Variants in XKR6 observed in about 807,000 individuals in gnomAD.
XKR6 encodes XK related 6.
Under a neutral mutation model 56.7 loss-of-function variants are expected in XKR6, and 22 were observed. That is an observed-to-expected ratio of 0.39 (90% CI 0.28 to 0.55). The LOEUF is 0.55. Among genes scored for constraint, XKR6 ranks in the 20% least tolerant of loss-of-function variants. The pLI is 0.66. For synonymous variants in XKR6, 524 were observed against 387.8 expected (o/e 1.35, Z -4.13); for missense variants, 852 against 889.0 (o/e 0.96, Z 0.53).
rs550882584 is a variant in XKR6 at position 11,110,128 on chromosome 8, A to G, written c.764+90448T>C. On this transcript the variant is annotated intron_variant, in intron 1 of 2. Transcript: ENST00000416569. The stretch of plus-strand genomic sequence containing the variant: ...GCTGGGATTACAGGTGCCCGCCACC[A>G]CATCCGGCTCATTTTTGTATTTTTA... Among the ~76,000 whole-genome samples the G allele has an allele frequency of 1.9e-4, 29 of 152,174 alleles. No individual in the cohort carries two copies. In the South Asian group the frequency reaches 4.8e-3, roughly 25 times the overall value.
At chr8:11,084,741 T>A (rs1157888650) in intron 1 of XKR6, among the ~76,000 whole-genome samples, 1 of 152,212 alleles carries the variant, frequency 6.6e-6, no homozygotes, top group Non-Finnish European at 1.5e-5. Context: ...AGTAACATTT[T>A]AGCTATTTCC....
Position 11,191,785 on chromosome 8 carries a change from G to A in XKR6, c.764+8791C>T, listed in dbSNP as rs149560321. On this transcript the variant is annotated intron_variant, in intron 1 of 2. Transcript: ENST00000416569. The stretch of plus-strand genomic sequence containing the variant: ...ATTTTTATCAAGTCCCTGATTGGAG[G>A]GGAGAAAAAACCCACAAGCAAATTT... Among the ~76,000 whole-genome samples the A allele has an allele frequency of 7.2e-4, 110 of 152,050 alleles. 1 individual carries two copies. The Middle Eastern group carries it at 0.01, about 14-fold the overall frequency.
chr8:10,975,551 C>T (rs1802529733), intron 1 of XKR6, among the ~76,000 whole-genome samples: 1 of 152,222 alleles, frequency 6.6e-6, no homozygotes, highest in Admixed American at 6.5e-5. Context: ...GAAAATTACA[C>T]CTCTGCTGGG....
intron 1 of XKR6, among the ~76,000 whole-genome samples, chr8:11,076,772 C>G (rs1390560780): frequency 6.6e-6 from 1 of 152,238 alleles, no homozygotes; most frequent in Non-Finnish European, 1.5e-5. Flanking sequence ...GCCTGGCCAA[C>G]TCTGGGCCCG....
chr8:11,026,164 C>G (rs997988472), intron 1 of XKR6, among the ~76,000 whole-genome samples: 2 of 152,080 alleles, frequency 1.3e-5, no homozygotes, highest in Non-Finnish European at 2.9e-5. Context: ...CTACGACACA[C>G]CTAGATGGTC....
chr8:11,000,027 T>G (rs1036510462), intron 1 of XKR6, among the ~76,000 whole-genome samples: 5 of 152,186 alleles, frequency 3.3e-5, no homozygotes, highest in Non-Finnish European at 4.4e-5. Context: ...TGAAGACAAC[T>G]TCAAAACTCC....
chr8:11,127,769 A>G (rs1004063549), intron 1 of XKR6, among the ~76,000 whole-genome samples: 2 of 152,180 alleles, frequency 1.3e-5, no homozygotes, highest in African/African-American at 4.8e-5. Context: ...GTGCGGTTAC[A>G]TATTTATAGG....
At chr8:10,979,893 G>A (rs1412068864) in intron 1 of XKR6, among the ~76,000 whole-genome samples, 1 of 152,306 alleles carries the variant, frequency 6.6e-6, no homozygotes, top group African/African-American at 2.4e-5. Context: ...CTTGGTGTTT[G>A]GGGGACTTAT....
intron 1 of XKR6, among the ~76,000 whole-genome samples, chr8:11,109,951 C>G: frequency 6.6e-6 from 1 of 152,130 alleles, no homozygotes; most frequent in South Asian, 2.1e-4. Flanking sequence ...TTTTAAAAAC[C>G]TACTTAATGT....
At chr8:11,096,486 A>G (rs185434853) in intron 1 of XKR6, among the ~76,000 whole-genome samples, 50 of 152,380 alleles carry the variant, frequency 3.3e-4, no homozygotes, top group African/African-American at 1.2e-3. Flanking sequence ...TTAACAAAAC[A>G]CCATTAGAAT....
chr8:10,922,261 A>G, intron 2 of XKR6, among the ~76,000 whole-genome samples: 1 of 152,264 alleles, frequency 6.6e-6, no homozygotes, highest in East Asian at 1.9e-4. Context: ...AAGGACTCAG[A>G]TGGGAGAGAA....
intron 1 of XKR6, among the ~76,000 whole-genome samples, chr8:11,058,901 G>A (rs528333618): frequency 7.2e-5 from 11 of 152,148 alleles, no homozygotes; most frequent in Non-Finnish European, 1.3e-4. Context: ...TTTAGAAAAC[G>A]CGAAGGTGTA....
intron 1 of XKR6, among the ~76,000 whole-genome samples, chr8:11,077,945 G>T (rs1220174804): frequency 1.3e-5 from 2 of 152,126 alleles, no homozygotes; most frequent in Non-Finnish European, 2.9e-5. Context: ...TGGCCGCCGG[G>T]CTGGCCCTGC....
chr8:10,966,171 C>T (rs2129132284), intron 1 of XKR6, among the ~76,000 whole-genome samples: 1 of 152,282 alleles, frequency 6.6e-6, no homozygotes, highest in South Asian at 2.1e-4. Flanking sequence ...GGGAGGATTG[C>T]TGAAACACTG....
intron 1 of XKR6, among the ~76,000 whole-genome samples, chr8:11,156,240 T>C (rs779061149): frequency 6.6e-6 from 1 of 152,196 alleles, no homozygotes; most frequent in African/African-American, 2.4e-5. Flanking sequence ...CCTTTGTCGG[T>C]TTTTCTCCCT....
At chr8:11,195,685 G>A (rs1165809993) in intron 1 of XKR6, among the ~76,000 whole-genome samples, 1 of 142,990 alleles carries the variant, frequency 7.0e-6, no homozygotes, top group Admixed American at 7.1e-5. Context: ...GTCTCGCTCT[G>A]TCGCCCAGGC....
At chr8:11,183,137 C>T (rs921114611) in intron 1 of XKR6, among the ~76,000 whole-genome samples, 16 of 152,174 alleles carry the variant, frequency 1.1e-4, no homozygotes, top group Middle Eastern at 3.4e-3. Flanking sequence ...AGGTTGCTTC[C>T]ACTTTTGGTT....
chr8:11,162,952 C>G (rs910452101), intron 1 of XKR6, among the ~76,000 whole-genome samples: 9 of 152,162 alleles, frequency 5.9e-5, no homozygotes, highest in Admixed American at 4.6e-4. Context: ...TCTAGCTAAT[C>G]GTTTTGGACC....
At position 10,897,683 on chromosome 8, in the gene XKR6, A is replaced by G; in HGVS notation, c.*269T>C. On this transcript the variant is annotated 3_prime_UTR_variant, in exon 3 of 3. Transcript: ENST00000416569. ...TTTTTCAATACTGTTTCTTATGTGTAAAAAACAAAAGAAAGGTTTTCTTTT... is the reference window on the plus strand; with the variant it reads ...TTTTTCAATACTGTTTCTTATGTGTGAAAAACAAAAGAAAGGTTTTCTTTT... 2.8e-6 allele frequency: 1 copy of G among 361,840 alleles called. No homozygotes were observed. The highest frequency in any genetic ancestry group is 4.9e-6 in the Non-Finnish European group (1 of 204,110). The allele number at this position is 361,840 out of a possible 1,614,324, so 22.4% of individuals were successfully genotyped here. A position where few individuals can be genotyped will look rare whatever the true frequency, so the allele number is the denominator to read the frequency against.
Sources: gnomAD v4.1 joint callset for allele counts (sites outside exome capture counted in the v4.1 genomes callset) on GRCh38, gnomAD v4.1.1 for gene constraint, MANE v1.5 for transcripts, NCBI Gene and HGNC (gene_info 2026-07-23, HGNC 2026-07-21) for gene names.